DYNLT1: variants seen among roughly 807,000 people sequenced by gnomAD.
DYNLT1 encodes dynein light chain Tctex-type 1.
A neutral mutation model predicts 19.6 loss-of-function variants in DYNLT1; 18 were observed. The ratio of observed to expected loss-of-function variants is 0.92; its 90% CI spans 0.64 to 1.36. The LOEUF (loss-of-function observed/expected upper bound fraction) is 1.36, where lower values mean the gene tolerates loss of function less well. Ranked by LOEUF, DYNLT1 falls within the 40% of genes most tolerant of loss-of-function variation. The pLI is 0.00. For synonymous variants in DYNLT1, 56 were observed against 44.0 expected (o/e 1.27, Z -1.07); for missense variants, 137 against 139.3 (o/e 0.98, Z 0.08).
chr6:158,642,582 G>A (rs1215180262), intron 1 of DYNLT1: 1 of 144,946 alleles, frequency 6.9e-6, no homozygotes, highest in Non-Finnish European at 1.5e-5. Flanking sequence ...AGGGGGTTCA[G>A]GAGCTGACTG....
intron 2 of DYNLT1, among the ~76,000 whole-genome samples, chr6:158,640,127 C>T (rs1787105879): frequency 6.6e-6 from 1 of 152,138 alleles, no homozygotes; most frequent in Non-Finnish European, 1.5e-5. Context: ...ACCTTCCTGC[C>T]CCCTGCTGTG....
At chr6:158,644,548 A>T in intron 1 of DYNLT1, 134 bp downstream of exon 1, 1 of 1,017,256 alleles carries the variant, frequency 9.8e-7, no homozygotes, top group Non-Finnish European at 1.4e-6. Context: ...GCGACCGGGA[A>T]GCTCAGGCCG....
Position 158,637,221 on chromosome 6 carries a change from ATT to A in DYNLT1, c.194-18_194-17del. 6.2e-7 allele frequency: 1 copy of A among 1,612,482 alleles called. No individual in the cohort carries two copies. The highest frequency in any genetic ancestry group is 8.5e-7 in the Non-Finnish European group (1 of 1,179,126). On this transcript the variant is annotated splice_polypyrimidine_tract_variant and intron_variant, in intron 3 of 4. Transcript: ENST00000367089. ...ACACAGGTCACTTAAGTTAAAACAA[ATT>A]TTTGTTAGAGAAGTCTACTGGGTAA...
chr6:158,637,851 T>C lies in DYNLT1; in HGVS notation c.113A>G (p.Lys38Arg), dbSNP rs201629862. 44 of 1,609,546 alleles carry C rather than the reference T, an allele frequency of 2.7e-5. No individual in the cohort carries two copies. Among genetic ancestry groups the C allele is most frequent in the East Asian group, 1.1e-4 (5 of 44,894 alleles). Residue 38 changes from lysine (K) to arginine (R), a missense_variant, in exon 3 of 5, where the codon AAA becomes AGA. Transcript: ENST00000367089. ...TACATTTGTGGTCCACTGGTTCACT[T>C]TGCTGTGTTGATAAGCGTTACCACC... ...AIGGNAYQHS[K>R]VNQWTTNVVE...
At chr6:158,640,339 C>G (rs991667485) in intron 2 of DYNLT1, among the ~76,000 whole-genome samples, 3 of 152,168 alleles carry the variant, frequency 2.0e-5, no homozygotes, top group African/African-American at 4.8e-5. Context: ...TAAATTACAT[C>G]TGAAACCCCA....
intron 2 of DYNLT1, 96 bp from the exon 3 acceptor site, chr6:158,637,990 A>C: frequency 6.5e-7 from 1 of 1,537,786 alleles, no homozygotes. Context: ...GTGATTTATG[A>C]AAAGTTTATT....
In DYNLT1 at chr6:158,636,668, G is replaced by A; in HGVS notation, c.*159C>T. ...CTACAGGGATACTCATCTGACTTCGGTGCCATTCACATCACAGTGCGGTCA... is the reference window on the plus strand; with the variant it reads ...CTACAGGGATACTCATCTGACTTCGATGCCATTCACATCACAGTGCGGTCA... On this transcript the variant is annotated 3_prime_UTR_variant, in exon 5 of 5. Coordinates refer to ENST00000367089, the MANE Select transcript of DYNLT1 (RefSeq NM_006519.4). 1 of 738,334 alleles carries A rather than the reference G, an allele frequency of 1.4e-6. No homozygotes were observed. 45.7% of individuals were successfully genotyped at this position (738,334 alleles called of 1,614,324 possible).
In DYNLT1 at chr6:158,637,892, A is replaced by G; in HGVS notation, c.72T>C (p.Ala24=). 6.2e-7 allele frequency: 1 copy of G among 1,602,324 alleles called. No homozygotes were observed. Among genetic ancestry groups the G allele is most frequent in the Non-Finnish European group, 8.5e-7 (1 of 1,179,958 alleles). Residue 24 remains alanine (A), a splice_region_variant and synonymous_variant, in exon 3 of 5, where the codon GCT becomes GCC. Coordinates refer to ENST00000367089, the MANE Select transcript of DYNLT1 (RefSeq NM_006519.4). ...CGTTACCACCAATTGCGCTTTCTAT[A>G]GCCTAGAAAACAAAGCACAAAGCGC... ...VDEVSNIVKE[A]IESAIGGNAY...
intron 1 of DYNLT1, among the ~76,000 whole-genome samples, chr6:158,643,086 T>C (rs939175068): frequency 6.6e-6 from 1 of 152,206 alleles, no homozygotes; most frequent in Non-Finnish European, 1.5e-5. Flanking sequence ...AGCCCCTTCA[T>C]TTTACACATA....
rs763537767 is a variant in DYNLT1 at position 158,644,689 on chromosome 6, G to A, written c.20C>T (p.Ala7Val). The A allele has an allele frequency of 1.9e-6, 3 of 1,611,970 alleles. No homozygotes were observed. Among genetic ancestry groups the A allele is most frequent in the Non-Finnish European group, 1.7e-6 (2 of 1,179,700 alleles). MEDYQA[A>V]EETAFVVDEV... is the part of the protein sequence containing the mutation. ...CGCCGACCCGGCGGTTACCTCCTCC[G>A]CAGCCTGGTAGTCTTCCATCTTTCC... is the stretch of plus-strand genomic sequence containing the variant. Residue 7 changes from alanine to valine, a missense_variant, in exon 1 of 5, where the codon GCG becomes GTG. Coordinates refer to ENST00000367089, the MANE Select transcript of DYNLT1 (RefSeq NM_006519.4).
intron 1 of DYNLT1, among the ~76,000 whole-genome samples, chr6:158,643,265 T>C (rs998631327): frequency 6.6e-6 from 1 of 152,212 alleles, no homozygotes; most frequent in Non-Finnish European, 1.5e-5. Flanking sequence ...AGTAACAGTT[T>C]AAGGGGAAAG....
Position 158,636,699 on chromosome 6 carries a change from T to C in DYNLT1, c.*128A>G, listed in dbSNP as rs1787004694. Reference sequence around the variant, plus strand: ...TTCACATCACAGTGCGGTCATTTGGTTTTTTCCTCTACATTGTGAAAGTGC... The same window carrying C: ...TTCACATCACAGTGCGGTCATTTGGCTTTTTCCTCTACATTGTGAAAGTGC... On this transcript the variant is annotated 3_prime_UTR_variant, in exon 5 of 5. Coordinates refer to ENST00000367089, the MANE Select transcript of DYNLT1 (RefSeq NM_006519.4). 1 of 1,156,084 alleles carries C rather than the reference T, an allele frequency of 8.6e-7. No homozygotes were observed. The highest frequency in any genetic ancestry group is 1.2e-6 in the Non-Finnish European group (1 of 820,632). The allele number at this position is 1,156,084 out of a possible 1,614,324, so 71.6% of individuals were successfully genotyped here.
rs184775954 is a variant in DYNLT1 at position 158,641,603 on chromosome 6, G to A, written c.28-243C>T. On this transcript the variant is annotated intron_variant, in intron 1 of 4. Transcript: ENST00000367089. ...TTATTTATTTTTGAGACGGAGTGTC[G>A]CTCTGTAGCCCAGGCTGGAATGCAG... The A allele has an allele frequency of 2.6e-4, 73 of 276,526 alleles. 1 individual carries two copies. In the East Asian group the frequency reaches 4.3e-3, roughly 16 times the overall value. 17.1% of individuals were successfully genotyped at this position (276,526 alleles called of 1,614,324 possible). A position where few individuals can be genotyped will look rare whatever the true frequency, so the allele number is the denominator to read the frequency against.
chr6:158,644,490 G>A (rs1214678077), intron 1 of DYNLT1, among the ~76,000 whole-genome samples, 192 bp downstream of exon 1: 1 of 152,198 alleles, frequency 6.6e-6, no homozygotes, highest in African/African-American at 2.4e-5. Flanking sequence ...CCCCGCGCCG[G>A]GGAAACGGCG....
intron 2 of DYNLT1, among the ~76,000 whole-genome samples, chr6:158,638,333 A>T (rs968588672): frequency 5.3e-4 from 81 of 152,262 alleles, no homozygotes; most frequent in African/African-American, 1.9e-3. Context: ...TTTATCCAGC[A>T]TTGTCTGAGA....
At position 158,636,783 on chromosome 6, in the gene DYNLT1, TG is replaced by T. The variant is rs770399418; in HGVS notation, c.*43del. 2 of 1,570,974 alleles carry T rather than the reference TG, an allele frequency of 1.3e-6. No individual in the cohort carries two copies. Among genetic ancestry groups the T allele is most frequent in the Non-Finnish European group, 1.7e-6 (2 of 1,153,360 alleles). On this transcript the variant is annotated 3_prime_UTR_variant, in exon 5 of 5. Coordinates refer to ENST00000367089, the MANE Select transcript of DYNLT1 (RefSeq NM_006519.4). Reference sequence around the variant, plus strand: ...GAATTCATGGCTGGTGGTTAGAGGATGAACTAGAGACAAAAGGAGAAAGGCC... The same window carrying T: ...GAATTCATGGCTGGTGGTTAGAGGATAACTAGAGACAAAAGGAGAAAGGCC...
rs1199286137 is a variant in DYNLT1, at chr6:158,636,907, G to A, written c.272-10C>T. ...CGCACAGTGCAGCTCCCTGCGGGAGGGAAGAGAGCAGCATTTACGGCAGGG... is the reference window on the plus strand; with the variant it reads ...CGCACAGTGCAGCTCCCTGCGGGAGAGAAGAGAGCAGCATTTACGGCAGGG... On this transcript the variant is annotated splice_polypyrimidine_tract_variant and intron_variant, in intron 4 of 4. Transcript: ENST00000367089. The A allele has an allele frequency of 6.2e-7, 1 of 1,613,232 alleles. No individual in the cohort carries two copies. Among genetic ancestry groups the A allele is most frequent in the Non-Finnish European group, 8.5e-7 (1 of 1,179,570 alleles).
intron 2 of DYNLT1, among the ~76,000 whole-genome samples, chr6:158,640,488 A>T (rs1348778522): frequency 6.6e-6 from 1 of 152,032 alleles, no homozygotes; most frequent in African/African-American, 2.4e-5. Context: ...CCTAGGTAGG[A>T]ATGAGCCCCT....
intron 1 of DYNLT1, chr6:158,641,969 T>C (rs911510208): frequency 6.6e-6 from 1 of 152,240 alleles, no homozygotes; most frequent in African/African-American, 2.4e-5. Flanking sequence ...CATTAACCAA[T>C]AGAGAGGCTT....
Sources: gnomAD v4.1 joint callset for allele counts (sites outside exome capture counted in the v4.1 genomes callset) on GRCh38, gnomAD v4.1.1 for gene constraint, MANE v1.5 for transcripts, NCBI Gene and HGNC (gene_info 2026-07-23, HGNC 2026-07-21) for gene names.